The following CERK variants were observed in gnomAD, a reference collection of about 807,000 sequenced individuals.
The protein encoded by CERK is ceramide kinase.
A neutral mutation model predicts 63.4 loss-of-function variants in CERK; 39 were observed. The ratio of observed to expected loss-of-function variants is 0.61; its 90% CI spans 0.48 to 0.80. The LOEUF (loss-of-function observed/expected upper bound fraction) is 0.80. Ranked by LOEUF, CERK falls within the 30% of genes least tolerant of loss-of-function variation. The pLI, the probability that CERK is intolerant of heterozygous loss-of-function variation, is 0.00. For synonymous variants in CERK, 302 were observed against 280.0 expected (o/e 1.08, Z -0.78); for missense variants, 670 against 714.1 (o/e 0.94, Z 0.70).
chr22:46,707,055 T>C (rs2082816397), intron 6 of CERK, among the ~76,000 whole-genome samples: 1 of 152,054 alleles, frequency 6.6e-6, no homozygotes, highest in South Asian at 2.1e-4. Flanking sequence ...AACCTCCAAC[T>C]CTCGCTCCCA....
intron 3 of CERK, among the ~76,000 whole-genome samples, chr22:46,717,076 TCTCAAC>T (rs560429143): frequency 4.1e-4 from 62 of 152,336 alleles, no homozygotes; most frequent in African/African-American, 1.4e-3. Flanking sequence ...TGAATGTGTT[TCTCAAC>T]CTCATTAACC....
At chr22:46,704,255 C>T (rs17834443) in intron 6 of CERK, among the ~76,000 whole-genome samples, 4,693 of 152,308 alleles carry the variant, frequency 0.031, 92 homozygotes, top group Middle Eastern at 0.085. Flanking sequence ...CACGAGCACT[C>T]CTGAGCCGCA....
At chr22:46,733,960 C>G (rs1019538161) in intron 1 of CERK, among the ~76,000 whole-genome samples, 1 of 151,966 alleles carries the variant, frequency 6.6e-6, no homozygotes, top group Non-Finnish European at 1.5e-5. Context: ...CACTTGAACC[C>G]GGGAGGTGGA....
chr22:46,734,837 T>C (rs994073407), intron 1 of CERK, among the ~76,000 whole-genome samples: 1 of 152,264 alleles, frequency 6.6e-6, no homozygotes, highest in African/African-American at 2.4e-5. Flanking sequence ...TTCTCGATAT[T>C]ATTAAATCAA....
chr22:46,707,916 G>T lies in CERK; in HGVS notation c.642C>A (p.Ser214Arg), dbSNP rs372740396. 1 of 1,613,862 alleles carries T rather than the reference G, an allele frequency of 6.2e-7. No individual in the cohort carries two copies. The highest frequency in any genetic ancestry group is 1.3e-5 in the African/African-American group (1 of 75,040). Residue 214 changes from serine to arginine, a missense_variant, in exon 6 of 13, where the codon AGC (serine) becomes AGA (arginine). Physicochemically the swap from Ser to Arg is moderately radical, Grantham distance 110. Coordinates refer to ENST00000216264, the MANE Select transcript of CERK (RefSeq NM_022766.6). The stretch of plus-strand genomic sequence containing the variant: ...GGGGGTGGTTCTGGTCGACCCCGGC[G>T]CTCCTCTGCGTCCTCCCAATCAGAC... ...LHGLIGRTQRSAGVDQNHPRA... is the reference protein window; with the variant it reads ...LHGLIGRTQRRAGVDQNHPRA...
At chr22:46,711,285 A>G (rs1009649975) in intron 4 of CERK, 136 bp from the exon 5 acceptor site, 8 of 678,520 alleles carry the variant, frequency 1.2e-5, no homozygotes, top group African/African-American at 7.1e-5. Flanking sequence ...TCCCTCTTCA[A>G]TTCTACATCG....
intron 1 of CERK, among the ~76,000 whole-genome samples, chr22:46,733,253 T>A (rs894213011): frequency 6.6e-6 from 1 of 151,374 alleles, no homozygotes; most frequent in Non-Finnish European, 1.5e-5. Flanking sequence ...CTATCCTATT[T>A]GTTGCAAATA....
At chr22:46,718,462 G>A (rs932425470) in intron 3 of CERK, among the ~76,000 whole-genome samples, 2 of 152,210 alleles carry the variant, frequency 1.3e-5, no homozygotes, top group East Asian at 3.9e-4. Context: ...ACGACATGCA[G>A]AGGAACGGGG....
rs770856804 is a variant in CERK, at chr22:46,720,122, A to C, written c.343T>G (p.Trp115Gly). 6.2e-7 allele frequency: 1 copy of C among 1,614,102 alleles called. No homozygotes were observed. Among genetic ancestry groups the C allele is most frequent in the South Asian group, 1.1e-5 (1 of 91,084 alleles). The part of the protein sequence containing the change: ...WCPEEQLCHL[W>G]LQTLREMLEK... ...AGCATCTCCCGCAGGGTCTGCAGCC[A>C]CAAGTGACACAGCTGCTCCTCTGGA... Residue 115 changes from tryptophan to glycine, a missense_variant, in exon 3 of 13, where the codon TGG becomes GGG. By Grantham distance (184) the Trp-to-Gly change is radical. Coordinates refer to ENST00000216264, the MANE Select transcript of CERK (RefSeq NM_022766.6).
At chr22:46,689,718 G>A (rs1372377780) in intron 12 of CERK, among the ~76,000 whole-genome samples, 1 of 152,144 alleles carries the variant, frequency 6.6e-6, no homozygotes, top group Non-Finnish European at 1.5e-5. Context: ...TGTGGAAGAG[G>A]AAAAGAATGA....
At chr22:46,705,129 A>C (rs564274355) in intron 6 of CERK, among the ~76,000 whole-genome samples, 9 of 152,366 alleles carry the variant, frequency 5.9e-5, no homozygotes, top group African/African-American at 2.2e-4. Flanking sequence ...TGGGAGAATT[A>C]AGTGGGCCCA....
chr22:46,707,473 C>G (rs577381096), intron 6 of CERK, among the ~76,000 whole-genome samples: 10 of 152,164 alleles, frequency 6.6e-5, no homozygotes, highest in African/African-American at 2.2e-4. Flanking sequence ...TGCCCACACC[C>G]ACCCCTAACT....
At chr22:46,691,003 ATG>A (rs147083229) in intron 11 of CERK, among the ~76,000 whole-genome samples, 16,624 of 151,368 alleles carry the variant, frequency 0.11, 1,008 homozygotes, top group Admixed American at 0.17. Context: ...ATGTATGTGT[ATG>A]TATATACACA....
In CERK at chr22:46,691,536, GCCAGTGGAGGCTCCATGCAAGAGCACCC is replaced by G; in HGVS notation, c.1332+8_1332+35del. 1 of 1,525,064 alleles carries G rather than the reference GCCAGTGGAGGCTCCATGCAAGAGCACCC, an allele frequency of 6.6e-7. No homozygotes were observed. Among genetic ancestry groups the G allele is most frequent in the East Asian group, 2.3e-5 (1 of 44,118 alleles). 94.5% of individuals were successfully genotyped at this position (1,525,064 alleles called of 1,614,324 possible). On this transcript the variant is annotated splice_region_variant and intron_variant, in intron 11 of 12. Transcript: ENST00000216264. ...GGGACTGCTGGAACATAAATTACTC[GCCAGTGGAGGCTCCATGCAAGAGCACCC>G]CACTTACCTGGTCCTGCTGGTTGGT...
At position 46,708,040 on chromosome 22, in the gene CERK, C is replaced by T. The variant is rs769401617; in HGVS notation, c.570-52G>A. The T allele has an allele frequency of 2.1e-5, 33 of 1,537,578 alleles. No individual in the cohort carries two copies. In the South Asian group the frequency reaches 2.7e-4, roughly 12 times the overall value. On this transcript the variant is annotated intron_variant, in intron 5 of 12. Transcript: ENST00000216264. ...GCTCCTGCAGGTGCGGCCCTCTGAG[C>T]GCAGCAGGCCTGAGGCTTCCAGCTT...
intron 5 of CERK, among the ~76,000 whole-genome samples, chr22:46,708,290 T>G (rs1020663450): frequency 6.6e-6 from 1 of 152,260 alleles, no homozygotes; most frequent in Admixed American, 6.5e-5. Flanking sequence ...CACTACACTC[T>G]GGGTCTCAGG....
At chr22:46,695,110 C>A in intron 9 of CERK, 100 bp downstream of exon 9, 1 of 698,282 alleles carries the variant, frequency 1.4e-6, no homozygotes, top group East Asian at 2.5e-5. Context: ...CATCCGGCAC[C>A]TTCCACCACA....
chr22:46,695,160 G>T, intron 9 of CERK, 50 bp downstream of exon 9: 1 of 983,462 alleles, frequency 1.0e-6, no homozygotes, highest in Non-Finnish European at 1.6e-6. Flanking sequence ...TAACCGTCCT[G>T]CTTCATTTCC....
chr22:46,698,647 T>C (rs1271923261), intron 8 of CERK, among the ~76,000 whole-genome samples: 3 of 152,104 alleles, frequency 2.0e-5, no homozygotes, highest in African/African-American at 7.2e-5. Flanking sequence ...TCCCAGCACT[T>C]TGGGAGGCCG....
Sources: allele counts gnomAD v4.1 joint callset (sites outside exome capture counted in the v4.1 genomes callset), GRCh38; gene constraint gnomAD v4.1.1; transcripts MANE v1.5; gene names NCBI Gene and HGNC (gene_info 2026-07-23, HGNC 2026-07-21).